CES3: variants seen among roughly 807,000 people sequenced by gnomAD.
The protein encoded by CES3 is carboxylesterase 3 (brain).
A neutral mutation model predicts 57.6 loss-of-function variants in CES3; 49 were observed. The observed-to-expected ratio is 0.85, with a 90% CI of 0.68 to 1.08. The LOEUF (loss-of-function observed/expected upper bound fraction) is 1.08, where lower values mean the gene tolerates loss of function less well. Among genes scored for constraint, CES3 ranks in the 50% least tolerant of loss-of-function variants. The pLI is 0.00. For synonymous variants in CES3, 266 were observed against 281.6 expected (o/e 0.94, Z 0.55); for missense variants, 645 against 742.0 (o/e 0.87, Z 1.52).
rs2145529836 is a variant in CES3 at position 66,963,424 on chromosome 16, A to G, written c.287+41A>G. 1 of 1,611,200 alleles carries G rather than the reference A, an allele frequency of 6.2e-7. No homozygotes were observed. Among genetic ancestry groups the G allele is most frequent in the South Asian group, 1.1e-5 (1 of 91,038 alleles). Reference sequence around the variant, plus strand: ...GGAGGCGGGCAAACAGGCAGGTTGCAGGAGAATCCTGCTGCTGGGGCTTGT... The same window carrying G: ...GGAGGCGGGCAAACAGGCAGGTTGCGGGAGAATCCTGCTGCTGGGGCTTGT... On this transcript the variant is annotated intron_variant, in intron 2 of 12. Coordinates refer to ENST00000303334, the MANE Select transcript of CES3 (RefSeq NM_024922.6). This position sits in a 1 kb window ranked among gnomAD's most constrained non-coding sequence, Gnocchi z 4.9.
At chr16:66,964,818 G>C (rs1963708090) in intron 6 of CES3, 91 bp downstream of exon 6, 1 of 962,892 alleles carries the variant, frequency 1.0e-6, no homozygotes, top group Non-Finnish European at 1.5e-6. Flanking sequence ...GGGGTTTGCT[G>C]GCAGGGAGCT....
At chr16:66,966,910 C>T in intron 8 of CES3, 45 bp downstream of exon 8, 1 of 1,606,440 alleles carries the variant, frequency 6.2e-7, no homozygotes, top group Admixed American at 1.7e-5. Flanking sequence ...CTGCCCCAGC[C>T]AGTACCTGCC....
Position 66,963,216 on chromosome 16 carries a change from G to C in CES3, c.120G>C (p.Leu40=). The C allele has an allele frequency of 6.2e-7, 1 of 1,614,256 alleles. No individual in the cohort carries two copies. The highest frequency in any genetic ancestry group is 8.5e-7 in the Non-Finnish European group (1 of 1,180,044). Residue 40 remains leucine (L), a synonymous_variant, in exon 2 of 13, where the codon CTG becomes CTC. Coordinates refer to ENST00000303334, the MANE Select transcript of CES3 (RefSeq NM_024922.6). The surrounding 1 kb of genome is among the most constrained non-coding windows in gnomAD (Gnocchi z 4.9). ...EVAQPEVDTT[L]GRVRGRQVGV... ...CTCAGCCTGAAGTAGACACCACCCT[G>C]GGTCGTGTGCGAGGCCGGCAGGTGG...
intron 9 of CES3, among the ~76,000 whole-genome samples, chr16:66,970,688 T>C (rs1963817325): frequency 1.3e-5 from 2 of 152,348 alleles, no homozygotes; most frequent in East Asian, 1.9e-4. Context: ...GACTAGACGT[T>C]GCATTTGAAG....
rs777035011 is a variant in CES3 at position 66,972,485 on chromosome 16, TG to T, written c.1423del (p.Asp475ThrfsTer18). On this transcript the variant is annotated frameshift_variant, in exon 11 of 13. Coordinates refer to ENST00000303334, the MANE Select transcript of CES3 (RefSeq NM_024922.6). LOFTEE classifies it high-confidence loss of function. Reference sequence around the variant, plus strand: ...TTTGTGTTCGGAGGTCCCTTCCTCATGGACGAGAGCTCCCGCCTGGGTGAGG... The same window carrying T: ...TTTGTGTTCGGAGGTCCCTTCCTCATGACGAGAGCTCCCGCCTGGGTGAGG... ...GAFVFGGPFLMDESSRLAFPE... is the reference protein window; with the variant it reads ...GAFVFGGPFLXDESSRLAFPE... The T allele has an allele frequency of 9.3e-6, 15 of 1,613,520 alleles. No homozygotes were observed. The South Asian group carries it at 1.3e-4, about 14-fold the overall frequency.
chr16:66,972,497 C>T lies in CES3; in HGVS notation c.1433C>T (p.Ser478Phe). 6.2e-7 allele frequency: 1 copy of T among 1,612,664 alleles called. No homozygotes were observed. Among genetic ancestry groups the T allele is most frequent in the South Asian group, 1.1e-5 (1 of 90,774 alleles). The change falls in exon 11 of 13, where the codon TCC (serine) becomes TTC (phenylalanine). Residue 478 changes from serine to phenylalanine, a missense_variant. Coordinates refer to ENST00000303334, the MANE Select transcript of CES3 (RefSeq NM_024922.6). ...FGGPFLMDES[S>F]RLAFPEATEE... ...GGTCCCTTCCTCATGGACGAGAGCT[C>T]CCGCCTGGGTGAGGACAGACAGACA... is the stretch of plus-strand genomic sequence containing the variant.
intron 4 of CES3, 109 bp from the exon 5 acceptor site, chr16:66,964,248 C>T: frequency 6.9e-7 from 1 of 1,452,656 alleles, no homozygotes. Flanking sequence ...ACAGGCCAGA[C>T]CTGGGGAGCA....
In CES3 at chr16:66,969,696, T is replaced by C. The variant is rs1022536039; in HGVS notation, c.1080T>C (p.Asp360=). 10 of 1,613,144 alleles carry C rather than the reference T, an allele frequency of 6.2e-6. No individual in the cohort carries two copies. Among genetic ancestry groups the C allele is most frequent in the African/African-American group, 5.3e-5 (4 of 74,832 alleles). ...CCACACAGGGCTGGGGTCTCCTGGA[T>C]ACAATGGAGCAGATGAGCCGGGAGG... ...WLIPRGWGLL[D]TMEQMSREDM... Residue 360 remains aspartate, a synonymous_variant, in exon 9 of 13, where the codon GAT becomes GAC. Transcript: ENST00000303334.
At position 66,972,851 on chromosome 16, in the gene CES3, C is replaced by G. The variant is rs1215088212; in HGVS notation, c.1521-3C>G. ...TTGGTCCTCATTCATTCCTCCCACC[C>G]AGGGACCCCAATAGCAAGGCTCTGC... On this transcript the variant is annotated splice_polypyrimidine_tract_variant and splice_region_variant and intron_variant, in intron 12 of 12. Transcript: ENST00000303334. 1 of 1,613,878 alleles carries G rather than the reference C, an allele frequency of 6.2e-7. No individual in the cohort carries two copies. The highest frequency in any genetic ancestry group is 1.3e-5 in the African/African-American group (1 of 74,940).
In CES3 at chr16:66,972,691, G is replaced by T. The variant is rs536521430; in HGVS notation, c.1465G>T (p.Glu489Ter). ...AGCCTTTCCAGAGGCCACAGAGGAG[G>T]AGAAGCAGCTAAGCCTCACCATGAT... The part of the protein sequence containing the change: ...RLAFPEATEE[E>*]KQLSLTMMAQ... The change falls in exon 12 of 13, where the codon GAG (glutamate) becomes TAG (stop). Residue 489 changes from glutamate to a stop codon, truncating the protein, a stop_gained. Transcript: ENST00000303334. LOFTEE classifies it high-confidence loss of function. The T allele has an allele frequency of 5.6e-6, 9 of 1,614,228 alleles. 1 individual carries two copies. In the South Asian group the frequency reaches 8.8e-5, roughly 16 times the overall value.
chr16:66,963,016 G>A lies in CES3; in HGVS notation c.83-163G>A, dbSNP rs1337291073. 3 of 761,406 alleles carry A rather than the reference G, an allele frequency of 3.9e-6. No individual in the cohort carries two copies. The Admixed American group carries it at 6.0e-5, about 15-fold the overall frequency. The allele number at this position is 761,406 out of a possible 1,614,324, so 47.2% of individuals were successfully genotyped here. On this transcript the variant is annotated intron_variant, in intron 1 of 12. Transcript: ENST00000303334. This position sits in a 1 kb window ranked among gnomAD's most constrained non-coding sequence, Gnocchi z 4.9. ...TAGTGACTCTCAGGCAGGCAGGGAG[G>A]AGGAAGTTGGGCGTCAACCTAAGAC...
At chr16:66,962,993 G>A in intron 1 of CES3, 186 bp from the exon 2 acceptor site, 5 of 721,224 alleles carry the variant, frequency 6.9e-6, no homozygotes, top group Non-Finnish European at 1.2e-5. Context: ...TGGAGTGGTA[G>A]TGACTCTCAG....
At position 66,964,723 on chromosome 16, in the gene CES3, C is replaced by A. The variant is rs1341065959; in HGVS notation, c.815C>A (p.Ala272Asp). 1.9e-6 allele frequency: 3 copies of A among 1,613,418 alleles called. No homozygotes were observed. The highest frequency in any genetic ancestry group is 2.5e-6 in the Non-Finnish European group (3 of 1,179,464). The change falls in exon 6 of 13, where the codon GCT (alanine) becomes GAT (aspartate). Residue 272 changes from alanine to aspartate, a missense_variant. Coordinates refer to ENST00000303334, the MANE Select transcript of CES3 (RefSeq NM_024922.6). Reference protein sequence around the residue: ...GIIDSHPWPLAQKIANTLACS... With the variant: ...GIIDSHPWPLDQKIANTLACS... Reference sequence around the variant, plus strand: ...ATCGACTCTCACCCTTGGCCCCTAGCTCAGGTCTGTATTTCCTTCCCTCTC... The same window carrying A: ...ATCGACTCTCACCCTTGGCCCCTAGATCAGGTCTGTATTTCCTTCCCTCTC...
At position 66,963,694 on chromosome 16, in the gene CES3, G is replaced by C. The variant is rs753325108; in HGVS notation, c.426+65G>C. On this transcript the variant is annotated intron_variant, in intron 3 of 12. Transcript: ENST00000303334. The surrounding 1 kb of genome is among the most constrained non-coding windows in gnomAD (Gnocchi z 4.9). ...CACTATGCCTACCTGTCCCCTCCCC[G>C]TCCCTGTTTCCAAAGCACCCTAGCG... The C allele has an allele frequency of 1.2e-6, 2 of 1,612,924 alleles. No homozygotes were observed. The highest frequency in any genetic ancestry group is 1.7e-5 in the Admixed American group (1 of 59,980).
At chr16:66,972,259 C>G in intron 10 of CES3, 97 bp from the exon 11 acceptor site, 18 of 1,214,570 alleles carry the variant, frequency 1.5e-5, no homozygotes, top group Non-Finnish European at 1.8e-5. Context: ...TCATCATCAT[C>G]ATCATGGAAA....
At chr16:66,966,901 T>G (rs1263946618) in intron 8 of CES3, 36 bp downstream of exon 8, 1 of 1,611,346 alleles carries the variant, frequency 6.2e-7, no homozygotes, top group Non-Finnish European at 8.5e-7. Flanking sequence ...TTCAAGGCCC[T>G]GCCCCAGCCA....
At position 66,974,804 on chromosome 16, in the gene CES3, T is replaced by C. The variant is rs1963911038; in HGVS notation, c.*1755T>C. ...TGTAAACACACCAATCAGCACCCTG[T>C]GTCTAGCTCAGTGTTTGTGAATGCA... is the stretch of plus-strand genomic sequence containing the variant. On this transcript the variant is annotated 3_prime_UTR_variant, in exon 13 of 13. Coordinates refer to ENST00000303334, the MANE Select transcript of CES3 (RefSeq NM_024922.6). The C allele has an allele frequency of 6.6e-6, 1 of 152,384 alleles. No homozygotes were observed. The highest frequency in any genetic ancestry group is 1.5e-5 in the Non-Finnish European group (1 of 68,180). 9.4% of individuals were successfully genotyped at this position (152,384 alleles called of 1,614,324 possible).
At chr16:66,967,696 T>C in intron 8 of CES3, 1 of 985,320 alleles carries the variant, frequency 1.0e-6, no homozygotes, top group Non-Finnish European at 1.2e-6. Context: ...TTTTTTTTTT[T>C]TTTTCGTCTT....
chr16:66,968,611 G>C (rs1399470985), intron 8 of CES3, among the ~76,000 whole-genome samples: 2 of 152,106 alleles, frequency 1.3e-5, no homozygotes, highest in Non-Finnish European at 2.9e-5. Flanking sequence ...ATGCAATCTT[G>C]ACATTCAAAG....
Sources: allele counts gnomAD v4.1 joint callset (sites outside exome capture counted in the v4.1 genomes callset), GRCh38; gene constraint gnomAD v4.1.1; non-coding constraint Gnocchi (gnomAD v3.1); transcripts MANE v1.5; gene names NCBI Gene and HGNC (gene_info 2026-07-23, HGNC 2026-07-21).